The following BRWD3 variants were observed in gnomAD, a reference collection of about 807,000 sequenced individuals.
The protein encoded by BRWD3 is bromodomain and WD repeat domain containing 3, also known as bromodomain and WD repeat-containing protein 3.
Under a neutral mutation model 149.7 loss-of-function variants are expected in BRWD3, and 10 were observed. The ratio of observed to expected loss-of-function variants is 0.07; its 90% CI spans 0.04 to 0.11. The LOEUF (loss-of-function observed/expected upper bound fraction) is 0.11, where lower values mean the gene tolerates loss of function less well. Ranked by LOEUF, BRWD3 falls within the 10% of genes least tolerant of loss-of-function variation. BRWD3 has a pLI of 1.00. For synonymous variants in BRWD3, 504 were observed against 456.7 expected (o/e 1.10, Z -1.32); for missense variants, 940 against 1,373.2 (o/e 0.68, Z 4.99).
chrX:80,691,202 A>G, intron 30 of BRWD3, 29 bp from the exon 31 acceptor site: 3 of 1,196,683 alleles, frequency 2.5e-6, no homozygotes, highest in Non-Finnish European at 3.4e-6. Flanking sequence ...CAAATAAGGT[A>G]GCTATAAAGG....
chrX:80,793,905 G>C (rs761763777), intron 4 of BRWD3, 133 bp from the exon 5 acceptor site: 2 of 705,188 alleles, frequency 2.8e-6, no homozygotes, highest in Admixed American at 2.9e-5. Context: ...AGGCCTGGGC[G>C]CGATGGCTCA....
chrX:80,723,013 T>G (rs1324699011), intron 16 of BRWD3, among the ~76,000 whole-genome samples: 1 of 111,615 alleles, frequency 9.0e-6, no homozygotes, highest in Non-Finnish European at 1.9e-5. Flanking sequence ...TTTAGACATA[T>G]CATATTTCTT....
intron 4 of BRWD3, among the ~76,000 whole-genome samples, chrX:80,807,170 A>G (rs1305596448): frequency 8.9e-6 from 1 of 112,032 alleles, no homozygotes; most frequent in Non-Finnish European, 1.9e-5. Flanking sequence ...AGTCCAACAG[A>G]AAGACTGACT....
At chrX:80,688,996 A>T (rs1234159849) in intron 33 of BRWD3, among the ~76,000 whole-genome samples, 2 of 812 alleles carry the variant, frequency 2.5e-3, no homozygotes, top group Non-Finnish European at 0.071. Context: ...GAAAAAAATA[A>T]AAAAAAACAG....
At chrX:80,687,984 T>C in intron 34 of BRWD3, 85 bp downstream of exon 34, 1 of 698,239 alleles carries the variant, frequency 1.4e-6, no homozygotes, top group Non-Finnish European at 2.3e-6. Flanking sequence ...TTCTAGCAAT[T>C]CTCCAAATAT....
chrX:80,692,873 A>G, intron 28 of BRWD3, 67 bp downstream of exon 28: 1 of 838,651 alleles, frequency 1.2e-6, no homozygotes, highest in Non-Finnish European at 1.8e-6. Flanking sequence ...CTCCTGATGG[A>G]GGCTATTAAA....
At position 80,808,432 on chromosome X, in the gene BRWD3, G is replaced by A. The variant is rs552299248; in HGVS notation, c.180+107C>T. The stretch of plus-strand genomic sequence containing the variant: ...GGCAGTCGTTCTTTGGCTCTGCACC[G>A]AGCTCTAGAACCTCGTCGGCTGAGA... On this transcript the variant is annotated intron_variant, in intron 4 of 40. Transcript: ENST00000373275. 9.5e-4 allele frequency: 571 copies of A among 603,786 alleles called. 3 individuals are homozygous for A. The South Asian group carries it at 0.013, about 14-fold the overall frequency. 49.8% of individuals were successfully genotyped at this position (603,786 alleles called of 1,213,427 possible).
At chrX:80,802,141 C>A (rs1316086940) in intron 4 of BRWD3, among the ~76,000 whole-genome samples, 1 of 111,528 alleles carries the variant, frequency 9.0e-6, no homozygotes, top group Non-Finnish European at 1.9e-5. Flanking sequence ...ATGCCCCTTA[C>A]TTTATAAAAA....
At chrX:80,691,999 A>AC in intron 29 of BRWD3, 21 bp from the exon 30 acceptor site, 1 of 1,176,105 alleles carries the variant, frequency 8.5e-7, no homozygotes, top group Middle Eastern at 2.5e-4. Context: ...GATAAAAAAA[A>AC]AAAAATTAGA....
At chrX:80,713,315 C>T (rs1460482772) in intron 20 of BRWD3, among the ~76,000 whole-genome samples, 1 of 112,087 alleles carries the variant, frequency 8.9e-6, no homozygotes, top group African/African-American at 3.3e-5. Context: ...AAGAAGTAGA[C>T]ATGGGAGACT....
At chrX:80,727,771 T>C (rs1012434390) in intron 14 of BRWD3, among the ~76,000 whole-genome samples, 1 of 111,281 alleles carries the variant, frequency 9.0e-6, no homozygotes, top group African/African-American at 3.3e-5. Context: ...TAACCCAAAC[T>C]ACACTTCCTC....
At chrX:80,706,464 AT>A (rs763900465) in intron 22 of BRWD3, among the ~76,000 whole-genome samples, 15 of 110,998 alleles carry the variant, frequency 1.4e-4, no homozygotes, top group East Asian at 5.6e-4. Flanking sequence ...AAGGTTTAAA[AT>A]TTTTTTTTAT....
At chrX:80,677,428 C>CA (rs746954269) in intron 40 of BRWD3, 65 bp from the exon 41 acceptor site, 137 of 1,141,615 alleles carry the variant, frequency 1.2e-4, no homozygotes, top group Non-Finnish European at 1.5e-4. Context: ...TATTTAGGTT[C>CA]AAAAACAGTC....
At chrX:80,733,269 G>T (rs752371717) in intron 12 of BRWD3, 187 bp downstream of exon 12, 13 of 388,932 alleles carry the variant, frequency 3.3e-5, no homozygotes, top group African/African-American at 2.4e-4. Context: ...GACCTGATAG[G>T]CTATGGTTAC....
chrX:80,728,676 T>A lies in BRWD3; in HGVS notation c.1386+76A>T, dbSNP rs139723766. 7.8e-4 allele frequency: 737 copies of A among 940,746 alleles called. 2 individuals are homozygous for A. In the African/African-American group the frequency reaches 0.013, roughly 17 times the overall value. The allele number at this position is 940,746 out of a possible 1,213,427, so 77.5% of individuals were successfully genotyped here. ...GTATAGTATATCATAGAAAGGAACC[T>A]GGAACTTAAATTTCCTGTGTCTTAA... On this transcript the variant is annotated intron_variant, in intron 14 of 40. Coordinates refer to ENST00000373275, the MANE Select transcript of BRWD3 (RefSeq NM_153252.5).
chrX:80,809,452 T>G lies in BRWD3; in HGVS notation c.20A>C (p.Gln7Pro), dbSNP rs1212820428. Residue 7 changes from glutamine to proline, a missense_variant, in exon 1 of 41, where the codon CAG becomes CCG. Transcript: ENST00000373275. The stretch of plus-strand genomic sequence containing the variant: ...ACACAGCTACCCACCGGCTTCGATC[T>G]GGGTAGGTGCTGCCGCCATCCTTTT... MAAAPT[Q>P]IEAELYYLIA... 1 of 1,118,030 alleles carries G rather than the reference T, an allele frequency of 8.9e-7. No homozygotes were observed. The highest frequency in any genetic ancestry group is 3.7e-5 in the East Asian group (1 of 26,837). The allele number at this position is 1,118,030 out of a possible 1,213,427, so 92.1% of individuals were successfully genotyped here.
At chrX:80,765,550 T>C (rs1189480909) in intron 6 of BRWD3, among the ~76,000 whole-genome samples, 2 of 111,994 alleles carry the variant, frequency 1.8e-5, no homozygotes, top group African/African-American at 6.5e-5. Flanking sequence ...ACTACAACCA[T>C]GTGACCAGTT....
intron 6 of BRWD3, among the ~76,000 whole-genome samples, chrX:80,779,139 C>A (rs1045475461): frequency 6.3e-5 from 7 of 110,491 alleles, no homozygotes; most frequent in Middle Eastern, 4.8e-3. Context: ...CATGGTGAAA[C>A]CCCATCTCTA....
Position 80,709,569 on chromosome X carries a change from A to G in BRWD3, c.2334T>C (p.Tyr778=). 1 of 1,209,280 alleles carries G rather than the reference A, an allele frequency of 8.3e-7. No individual in the cohort carries two copies. The highest frequency in any genetic ancestry group is 1.8e-5 in the South Asian group (1 of 56,731). ...KPSYTTQRND[Y]EPSCGRSLRR... is the part of the protein sequence containing the mutation. The stretch of plus-strand genomic sequence containing the variant: ...GTAAAGAACGCCCACAGCTAGGCTC[A>G]TAATCATTCTGTAAAAGAGAAGAAT... The change falls in exon 21 of 41, where the codon TAT becomes TAC. Residue 778 remains tyrosine, a synonymous_variant. Transcript: ENST00000373275.
Sources: allele counts gnomAD v4.1 joint callset (sites outside exome capture counted in the v4.1 genomes callset), GRCh38; gene constraint gnomAD v4.1.1; transcripts MANE v1.5; gene names NCBI Gene and HGNC (gene_info 2026-07-23, HGNC 2026-07-21).